SORCS2: variants seen among roughly 807,000 people sequenced by gnomAD.
SORCS2 encodes the protein sortilin related VPS10 domain containing receptor 2, also known as VPS10 domain-containing receptor SorCS2.
SORCS2 carries 100 observed loss-of-function variants against 141.6 expected under a neutral mutation model. That is an observed-to-expected ratio of 0.71 (90% confidence interval 0.60 to 0.83). The LOEUF (loss-of-function observed/expected upper bound fraction) is 0.83, where lower values mean the gene tolerates loss of function less well. SORCS2 is among the 40% of genes least tolerant of loss of function. The pLI is 0.00. For synonymous variants in SORCS2, 789 were observed against 676.9 expected (o/e 1.17, Z -2.57); for missense variants, 1,646 against 1,560.2 (o/e 1.05, Z -0.93).
rs1191930380 is a variant in SORCS2, at chr4:7,726,764, T to G, written c.2746-16T>G. The G allele has an allele frequency of 6.2e-7, 1 of 1,612,420 alleles. No individual in the cohort carries two copies. ...CTCACTCGGCCAGGCCCCTAAGCCC[T>G]GCTGTGCCCCTGCAGCCCCTCCTTT... On this transcript the variant is annotated splice_polypyrimidine_tract_variant and intron_variant, in intron 20 of 26. Coordinates refer to ENST00000507866, the MANE Select transcript of SORCS2 (RefSeq NM_020777.3).
chr4:7,660,545 C>G (rs973270616), intron 5 of SORCS2, among the ~76,000 whole-genome samples: 1 of 152,154 alleles, frequency 6.6e-6, no homozygotes, highest in African/African-American at 2.4e-5. Context: ...CATCTAGACT[C>G]GTGGTATTAG....
At chr4:7,658,224 T>G (rs1721929996) in intron 5 of SORCS2, among the ~76,000 whole-genome samples, 1 of 151,792 alleles carries the variant, frequency 6.6e-6, no homozygotes, top group Non-Finnish European at 1.5e-5. Context: ...TGTGACTGAG[T>G]AAGTGAATGA....
At chr4:7,644,790 C>T (rs1265151488) in intron 4 of SORCS2, among the ~76,000 whole-genome samples, 2 of 152,326 alleles carry the variant, frequency 1.3e-5, no homozygotes, top group East Asian at 1.9e-4. Context: ...GGAGGCGTGT[C>T]CTCACTCACC....
At chr4:7,275,149 T>G (rs1341148525) in intron 1 of SORCS2, among the ~76,000 whole-genome samples, 1 of 152,202 alleles carries the variant, frequency 6.6e-6, no homozygotes, top group Non-Finnish European at 1.5e-5. Flanking sequence ...CGTGTCCTAG[T>G]TGGGCATAAG....
intron 2 of SORCS2, among the ~76,000 whole-genome samples, chr4:7,408,670 A>G (rs1336790082): frequency 6.6e-6 from 1 of 152,092 alleles, no homozygotes; most frequent in Non-Finnish European, 1.5e-5. Context: ...GTTTTCTGTT[A>G]TTATTTCTTT....
At chr4:7,442,782 A>G (rs957479594) in intron 2 of SORCS2, among the ~76,000 whole-genome samples, 3 of 151,612 alleles carry the variant, frequency 2.0e-5, no homozygotes, top group African/African-American at 4.9e-5. Context: ...TCATGTGAAC[A>G]GTATGGAGGT....
chr4:7,696,906 C>G (rs773610477), intron 11 of SORCS2, among the ~76,000 whole-genome samples: 1 of 152,248 alleles, frequency 6.6e-6, no homozygotes, highest in African/African-American at 2.4e-5. Flanking sequence ...AGCCACACTC[C>G]ATGCTTCTTA....
intron 1 of SORCS2, among the ~76,000 whole-genome samples, chr4:7,386,675 G>A (rs1723361301): frequency 7.2e-6 from 1 of 137,986 alleles, no homozygotes; most frequent in African/African-American, 2.8e-5. Context: ...ACACACATAG[G>A]TACATGCATG....
chr4:7,433,878 C>T, intron 2 of SORCS2: 1 of 1,613,912 alleles, frequency 6.2e-7, no homozygotes. Context: ...TGATGCACTC[C>T]TTCGTGATAG....
intron 1 of SORCS2, among the ~76,000 whole-genome samples, chr4:7,253,819 G>T (rs1474010134): frequency 6.6e-6 from 1 of 152,248 alleles, no homozygotes; most frequent in Non-Finnish European, 1.5e-5. Context: ...GAAGTCACGG[G>T]ATTCCGTGGA....
In SORCS2 at chr4:7,282,425, C is replaced by T. The variant is rs529569748; in HGVS notation, c.480+89299C>T. On this transcript the variant is annotated intron_variant, in intron 1 of 26. Coordinates refer to ENST00000507866, the MANE Select transcript of SORCS2 (RefSeq NM_020777.3). ...AGCCTGTATAATACCTTATTCATTCCGAATGCAAAGAACTCAGGATCACAG... is the reference window on the plus strand; with the variant it reads ...AGCCTGTATAATACCTTATTCATTCTGAATGCAAAGAACTCAGGATCACAG... Among the ~76,000 whole-genome samples, 189 of 152,212 alleles carry T rather than the reference C, an allele frequency of 1.2e-3. 2 individuals carry two copies. The highest frequency in any genetic ancestry group is 2.2e-3 in the Non-Finnish European group (149 of 68,006).
At chr4:7,405,444 G>A (rs1035810531) in intron 2 of SORCS2, among the ~76,000 whole-genome samples, 1 of 152,030 alleles carries the variant, frequency 6.6e-6, no homozygotes, top group Non-Finnish European at 1.5e-5. Flanking sequence ...GCTTTGGAAT[G>A]TATGGTCATT....
At chr4:7,414,730 G>A (rs1725548871) in intron 2 of SORCS2, among the ~76,000 whole-genome samples, 1 of 152,206 alleles carries the variant, frequency 6.6e-6, no homozygotes, top group Admixed American at 6.5e-5. Flanking sequence ...AACGGTACCA[G>A]GTGCAAGGTT....
At chr4:7,597,286 G>A (rs1717335400) in intron 3 of SORCS2, among the ~76,000 whole-genome samples, 2 of 150,478 alleles carry the variant, frequency 1.3e-5, no homozygotes, top group Non-Finnish European at 1.5e-5. Context: ...GAGGAGGGGC[G>A]ATTGCAATCG....
chr4:7,343,757 TGGTACACG>T (rs1343930323), intron 1 of SORCS2, among the ~76,000 whole-genome samples: 1 of 152,148 alleles, frequency 6.6e-6, no homozygotes, highest in African/African-American at 2.4e-5. Flanking sequence ...TTGAGTGGGT[TGGTACACG>T]GCGTAGAATA....
chr4:7,703,491 G>A (rs1725214430), intron 13 of SORCS2, 120 bp downstream of exon 13: 1 of 742,604 alleles, frequency 1.3e-6, no homozygotes, highest in Non-Finnish European at 2.2e-6. Flanking sequence ...TGATCACAGA[G>A]CAACTGCACT....
chr4:7,678,932 T>C (rs925249582), intron 9 of SORCS2, among the ~76,000 whole-genome samples: 1 of 152,216 alleles, frequency 6.6e-6, no homozygotes, highest in Admixed American at 6.5e-5. Flanking sequence ...ACAGGGTTGC[T>C]GTGAGGTTTA....
chr4:7,595,276 C>T (rs1007664729), intron 3 of SORCS2, among the ~76,000 whole-genome samples: 3 of 152,194 alleles, frequency 2.0e-5, no homozygotes, highest in African/African-American at 7.2e-5. Flanking sequence ...TCCTCTCCAG[C>T]CGTGCCACCC....
intron 2 of SORCS2, among the ~76,000 whole-genome samples, chr4:7,495,337 C>T (rs74342351): frequency 0.024 from 3,726 of 152,304 alleles, 157 homozygotes; most frequent in African/African-American, 0.085. Context: ...ATGCGCCCAG[C>T]GTTGCCTTTT....
Sources: gnomAD v4.1 joint callset for allele counts (sites outside exome capture counted in the v4.1 genomes callset) on GRCh38, gnomAD v4.1.1 for gene constraint, MANE v1.5 for transcripts, NCBI Gene and HGNC (gene_info 2026-07-23, HGNC 2026-07-21) for gene names.